CDKAL1: variants seen among roughly 807,000 people sequenced by gnomAD.
The protein encoded by CDKAL1 is threonylcarbamoyladenosine tRNA methylthiotransferase.
CDKAL1 carries 32 observed loss-of-function variants against 68.2 expected under a neutral mutation model. That is an observed-to-expected ratio of 0.47 (90% CI 0.35 to 0.63). The LOEUF is 0.63. Ranked by LOEUF, CDKAL1 falls within the 30% of genes least tolerant of loss-of-function variation. CDKAL1 has a pLI of 0.00. For missense variants in CDKAL1, 606 were observed against 696.7 expected (o/e 0.87, Z 1.47); for synonymous variants, 234 against 244.3 (o/e 0.96, Z 0.39).
chr6:20,947,092 CAATGAATGAATG>C (rs147092380), intron 9 of CDKAL1, among the ~76,000 whole-genome samples: 2 of 151,738 alleles, frequency 1.3e-5, no homozygotes, highest in East Asian at 1.9e-4. Flanking sequence ...TAGAAGGAGT[CAATGAATGAATG>C]AATGAATGAA....
At chr6:20,755,630 C>A (rs1774135308) in intron 6 of CDKAL1, among the ~76,000 whole-genome samples, 1 of 152,128 alleles carries the variant, frequency 6.6e-6, no homozygotes, top group African/African-American at 2.4e-5. Context: ...TCCTTTCAAC[C>A]ATCCTGGTAT....
intron 8 of CDKAL1, among the ~76,000 whole-genome samples, chr6:20,837,076 C>T (rs572932748): frequency 6.6e-6 from 1 of 152,232 alleles, no homozygotes; most frequent in East Asian, 1.9e-4. Flanking sequence ...TGTTAGCTCT[C>T]GAATTTGGAG....
intron 15 of CDKAL1, among the ~76,000 whole-genome samples, chr6:21,205,538 T>TGG (rs1276454842): frequency 8.2e-5 from 11 of 134,192 alleles, no homozygotes; most frequent in African/African-American, 3.5e-4. Context: ...CTGTTTTGTT[T>TGG]TGTTTTTTTT....
At chr6:20,807,366 G>A (rs1193997153) in intron 8 of CDKAL1, among the ~76,000 whole-genome samples, 1 of 152,138 alleles carries the variant, frequency 6.6e-6, no homozygotes, top group Non-Finnish European at 1.5e-5. Context: ...TGGCACTACA[G>A]GCGCATGCCA....
chr6:21,104,265 C>G (rs756249983), intron 12 of CDKAL1, among the ~76,000 whole-genome samples: 11 of 152,124 alleles, frequency 7.2e-5, no homozygotes, highest in Non-Finnish European at 1.5e-4. Flanking sequence ...TGTTATTATG[C>G]TTGGTACGTT....
intron 11 of CDKAL1, among the ~76,000 whole-genome samples, chr6:21,038,152 C>T (rs1236890136): frequency 6.6e-6 from 1 of 152,190 alleles, no homozygotes; most frequent in Non-Finnish European, 1.5e-5. Flanking sequence ...GGAAAGACCA[C>T]TGAAGATACT....
intron 14 of CDKAL1, among the ~76,000 whole-genome samples, chr6:21,198,544 G>T (rs999172497): frequency 6.6e-6 from 1 of 152,140 alleles, no homozygotes; most frequent in Non-Finnish European, 1.5e-5. Context: ...TTGGTTGGTT[G>T]GTTGGTTGGT....
chr6:20,876,704 G>A (rs931982125), intron 9 of CDKAL1, among the ~76,000 whole-genome samples: 10 of 152,166 alleles, frequency 6.6e-5, no homozygotes, highest in Non-Finnish European at 1.3e-4. Flanking sequence ...ACAGGCAGGC[G>A]TAGAATTCAG....
intron 3 of CDKAL1, 84 bp from the exon 4 acceptor site, chr6:20,548,509 G>T (rs1763691305): frequency 5.6e-6 from 4 of 716,700 alleles, no homozygotes; most frequent in South Asian, 1.6e-5. Flanking sequence ...CTGCAGCCTG[G>T]GCAACAGAGC....
chr6:21,099,762 G>A (rs1318646887), intron 12 of CDKAL1, among the ~76,000 whole-genome samples: 1 of 152,176 alleles, frequency 6.6e-6, no homozygotes, highest in Non-Finnish European at 1.5e-5. Context: ...TGTACTTAGT[G>A]CCCTTTGACT....
At chr6:21,093,871 G>A (rs991985251) in intron 12 of CDKAL1, among the ~76,000 whole-genome samples, 20 of 149,234 alleles carry the variant, frequency 1.3e-4, no homozygotes, top group African/African-American at 4.2e-4. Flanking sequence ...TGGGTGTGAC[G>A]GTAGGTGCAC....
At chr6:20,575,975 A>G (rs554028582) in intron 4 of CDKAL1, among the ~76,000 whole-genome samples, 5 of 152,242 alleles carry the variant, frequency 3.3e-5, no homozygotes, top group South Asian at 2.1e-4. Context: ...TTCTTACAGC[A>G]TAACTATACG....
intron 5 of CDKAL1, among the ~76,000 whole-genome samples, chr6:20,727,497 G>T (rs968614872): frequency 6.6e-6 from 1 of 152,134 alleles, no homozygotes; most frequent in Non-Finnish European, 1.5e-5. Context: ...GCTTCTTGAG[G>T]GGGGTAAGTT....
chr6:21,192,222 C>T (rs1246333893), intron 13 of CDKAL1, among the ~76,000 whole-genome samples: 1 of 149,434 alleles, frequency 6.7e-6, no homozygotes, highest in African/African-American at 2.5e-5. Flanking sequence ...GGGGTTTCAC[C>T]TTGTTAGCCA....
At chr6:21,176,867 T>G (rs981275141) in intron 13 of CDKAL1, among the ~76,000 whole-genome samples, 1 of 151,736 alleles carries the variant, frequency 6.6e-6, no homozygotes, top group African/African-American at 2.4e-5. Flanking sequence ...GCTAATTTTT[T>G]TTTGTAGTTT....
intron 9 of CDKAL1, among the ~76,000 whole-genome samples, chr6:20,885,831 T>C (rs918631522): frequency 2.7e-4 from 41 of 152,148 alleles, no homozygotes; most frequent in African/African-American, 9.7e-4. Flanking sequence ...CCTGTAATCC[T>C]AGCACTTTGG....
At chr6:21,205,540 G>T (rs1199360523) in intron 15 of CDKAL1, among the ~76,000 whole-genome samples, 15 of 151,152 alleles carry the variant, frequency 9.9e-5, no homozygotes, top group African/African-American at 3.2e-4. Context: ...GTTTTGTTTT[G>T]TTTTTTTTGA....
intron 8 of CDKAL1, among the ~76,000 whole-genome samples, chr6:20,796,850 A>G (rs148656400): frequency 1.3e-5 from 2 of 152,380 alleles, no homozygotes; most frequent in East Asian, 3.9e-4. Context: ...AAGGGATCCA[A>G]GTTCAAAATG....
chr6:21,036,921 G>C (rs1769626539), intron 11 of CDKAL1, among the ~76,000 whole-genome samples: 1 of 152,166 alleles, frequency 6.6e-6, no homozygotes, highest in Non-Finnish European at 1.5e-5. Context: ...CTTCAACTAA[G>C]TAAGTATAGA....
Sources: gnomAD v4.1 joint callset for allele counts (sites outside exome capture counted in the v4.1 genomes callset) on GRCh38, gnomAD v4.1.1 for gene constraint, MANE v1.5 for transcripts, NCBI Gene and HGNC (gene_info 2026-07-23, HGNC 2026-07-21) for gene names.